MED26: variants seen among roughly 807,000 people sequenced by gnomAD.
The protein encoded by MED26 is mediator complex subunit 26.
In MED26, 7 loss-of-function variants were observed where a neutral mutation model predicts 43.7. That is an observed-to-expected ratio of 0.16 (90% CI 0.09 to 0.30). MED26 has a LOEUF of 0.30. Ranked by LOEUF, MED26 falls within the 10% of genes least tolerant of loss-of-function variation. The pLI is 1.00. For synonymous variants in MED26, 375 were observed against 371.1 expected (o/e 1.01, Z -0.12); for missense variants, 784 against 840.6 (o/e 0.93, Z 0.83).
chr19:16,595,827 A>G (rs1181277690), intron 1 of MED26, among the ~76,000 whole-genome samples: 4 of 152,070 alleles, frequency 2.6e-5, no homozygotes, highest in Non-Finnish European at 4.4e-5. Context: ...AATTCCCTTA[A>G]CCTTCTCCGA....
At position 16,576,488 on chromosome 19, in the gene MED26, G is replaced by C; in HGVS notation, c.1342C>G (p.Pro448Ala). 6.2e-7 allele frequency: 1 copy of C among 1,614,146 alleles called. No individual in the cohort carries two copies. Among genetic ancestry groups the C allele is most frequent in the Admixed American group, 1.7e-5 (1 of 60,028 alleles). ...TQKEPVRADS[P>A]VHMEQQSRTE... ...CTGGACTGCTGCTCCATGTGCACAG[G>C]GCTGTCTGCCCGCACTGGCTCTTTC... is the stretch of plus-strand genomic sequence containing the variant. Residue 448 changes from proline to alanine, a missense_variant, in exon 3 of 3, where the codon CCT (proline) becomes GCT (alanine). Transcript: ENST00000263390. This position sits in a 1 kb window ranked among gnomAD's most constrained non-coding sequence, Gnocchi z 6.8.
intron 1 of MED26, among the ~76,000 whole-genome samples, chr19:16,613,859 G>T (rs1409120670): frequency 6.6e-6 from 1 of 152,130 alleles, no homozygotes; most frequent in African/African-American, 2.4e-5. Context: ...TGTGAAGTGG[G>T]ACTGGTAACT....
At chr19:16,614,469 C>A (rs1416972562) in intron 1 of MED26, among the ~76,000 whole-genome samples, 1 of 151,368 alleles carries the variant, frequency 6.6e-6, no homozygotes. Flanking sequence ...GTAGAGGTTG[C>A]AGTGAGCCGA....
chr19:16,627,291 C>T (rs1254822680), intron 1 of MED26, among the ~76,000 whole-genome samples: 10 of 152,296 alleles, frequency 6.6e-5, no homozygotes, highest in Non-Finnish European at 1.3e-4. Flanking sequence ...TGTCTAGTCA[C>T]AGAAGGGAGA....
intron 1 of MED26, among the ~76,000 whole-genome samples, chr19:16,627,065 C>A (rs1311689139): frequency 6.6e-6 from 1 of 152,152 alleles, no homozygotes; most frequent in Non-Finnish European, 1.5e-5. Context: ...AACCACCAGG[C>A]TGAGACCCCC....
At chr19:16,614,477 C>T (rs2086213873) in intron 1 of MED26, among the ~76,000 whole-genome samples, 2 of 150,956 alleles carry the variant, frequency 1.3e-5, no homozygotes, top group Non-Finnish European at 2.9e-5. Flanking sequence ...TGCAGTGAGC[C>T]GATTGTGCCA....
intron 1 of MED26, among the ~76,000 whole-genome samples, chr19:16,609,826 T>A (rs56892528): frequency 0.013 from 2,028 of 151,842 alleles, 49 homozygotes; most frequent in African/African-American, 0.047. Flanking sequence ...TTTTATCACC[T>A]TCTTGTGCAA....
intron 1 of MED26, chr19:16,624,236 A>G (rs1039538304): frequency 5.9e-5 from 9 of 152,222 alleles, no homozygotes; most frequent in African/African-American, 2.2e-4. Flanking sequence ...CACCCTGTGG[A>G]CAAGAAATCT....
At position 16,577,314 on chromosome 19, in the gene MED26, G is replaced by C; in HGVS notation, c.516C>G (p.Pro172=). The C allele has an allele frequency of 1.2e-6, 2 of 1,612,000 alleles. No individual in the cohort carries two copies. Among genetic ancestry groups the C allele is most frequent in the African/African-American group, 2.7e-5 (2 of 75,020 alleles). ...GGAGGGGGGATGAGTTGGGGACCAG[G>C]GGGTCGTGGCTAGCTTTGGAGACCT... is the stretch of plus-strand genomic sequence containing the variant. The part of the protein sequence containing the change: ...PPKVSKASHD[P]LVPNSSPLPT... The change falls in exon 3 of 3, where the codon CCC becomes CCG. Residue 172 remains proline (P), a synonymous_variant. Transcript: ENST00000263390. The surrounding 1 kb of genome is among the most constrained non-coding windows in gnomAD (Gnocchi z 8.1).
Position 16,576,637 on chromosome 19 carries a change from C to G in MED26, c.1193G>C (p.Arg398Pro). 6.2e-7 allele frequency: 1 copy of G among 1,614,212 alleles called. No homozygotes were observed. Among genetic ancestry groups the G allele is most frequent in the Non-Finnish European group, 8.5e-7 (1 of 1,180,032 alleles). The change falls in exon 3 of 3, where the codon CGA becomes CCA. Residue 398 changes from arginine (R) to proline (P), a missense_variant. Coordinates refer to ENST00000263390, the MANE Select transcript of MED26 (RefSeq NM_004831.5). The surrounding 1 kb of genome is among the most constrained non-coding windows in gnomAD (Gnocchi z 6.8). ...CAAGTTAACCGTATAGTCTCGAGGT[C>G]GGTACCTCTTCTTCTTTTTACTGTC... is the stretch of plus-strand genomic sequence containing the variant. Reference protein sequence around the residue: ...GSDSKKKKRYRPRDYTVNLDG... With the variant: ...GSDSKKKKRYPPRDYTVNLDG...
chr19:16,606,923 G>A (rs1397048712), intron 1 of MED26, among the ~76,000 whole-genome samples: 1 of 152,232 alleles, frequency 6.6e-6, no homozygotes, highest in East Asian at 1.9e-4. Flanking sequence ...GGCTCTCCCT[G>A]TGTTGGTCAG....
intron 1 of MED26, among the ~76,000 whole-genome samples, 178 bp downstream of exon 1, chr19:16,627,694 G>A (rs994460449): frequency 7.2e-5 from 11 of 152,238 alleles, no homozygotes; most frequent in Middle Eastern, 3.2e-3. Context: ...GCGCTGCCGG[G>A]CTGCCCGACC....
At position 16,576,541 on chromosome 19, in the gene MED26, A is replaced by G. The variant is rs1202662730; in HGVS notation, c.1289T>C (p.Met430Thr). 1 of 1,613,968 alleles carries G rather than the reference A, an allele frequency of 6.2e-7. No homozygotes were observed. The highest frequency in any genetic ancestry group is 1.3e-5 in the African/African-American group (1 of 74,876). Residue 430 changes from methionine to threonine, a missense_variant, in exon 3 of 3, where the codon ATG (methionine) becomes ACG (threonine). This residue lies in a region of MED26 where 719 missense variants were observed against 730.9 expected (regional missense o/e 0.98). Coordinates refer to ENST00000263390, the MANE Select transcript of MED26 (RefSeq NM_004831.5). The surrounding 1 kb of genome is among the most constrained non-coding windows in gnomAD (Gnocchi z 6.8). ...GGTCAGAGGTTTGATCTGTCTCGTC[A>G]TGGGGTCAAAGGTGAGCTTCCGCTC... ...LKERKLTFDP[M>T]TRQIKPLTQK... is the part of the protein sequence containing the mutation.
chr19:16,610,188 A>G (rs75539581), intron 1 of MED26, among the ~76,000 whole-genome samples: 2,228 of 152,118 alleles, frequency 0.015, 49 homozygotes, highest in African/African-American at 0.05. Context: ...TGAGCCCAGT[A>G]GCTCAAGGCT....
intron 1 of MED26, among the ~76,000 whole-genome samples, chr19:16,603,487 CTTCTT>C (rs2086159066): frequency 6.6e-6 from 1 of 152,084 alleles, no homozygotes; most frequent in Non-Finnish European, 1.5e-5. Flanking sequence ...AAATTCTTCC[CTTCTT>C]TTCTTCTTAA....
At chr19:16,613,622 A>C (rs2122444846) in intron 1 of MED26, among the ~76,000 whole-genome samples, 1 of 152,324 alleles carries the variant, frequency 6.6e-6, no homozygotes, top group East Asian at 1.9e-4. Context: ...AAAGGCTCTG[A>C]GGGCAGAAGG....
rs919941788 is a variant in MED26, at chr19:16,575,786, T to G, written c.*241A>C. 3.7e-6 allele frequency: 2 copies of G among 542,280 alleles called. No homozygotes were observed. Among genetic ancestry groups the G allele is most frequent in the South Asian group, 2.3e-5 (1 of 43,208 alleles). 33.6% of individuals were successfully genotyped at this position (542,280 alleles called of 1,614,324 possible). A position where few individuals can be genotyped will look rare whatever the true frequency, so the allele number is the denominator to read the frequency against. On this transcript the variant is annotated 3_prime_UTR_variant, in exon 3 of 3. Coordinates refer to ENST00000263390, the MANE Select transcript of MED26 (RefSeq NM_004831.5). Reference sequence around the variant, plus strand: ...GAGTTCTGAACTCACTTTGCCGTCCTTCCTTCCACGCGGTCCTTCTTCGCA... The same window carrying G: ...GAGTTCTGAACTCACTTTGCCGTCCGTCCTTCCACGCGGTCCTTCTTCGCA...
intron 1 of MED26, 68 bp downstream of exon 1, chr19:16,627,804 G>C: frequency 8.5e-7 from 1 of 1,170,242 alleles, no homozygotes; most frequent in South Asian, 1.9e-5. Context: ...GTGGGCGAGG[G>C]GTACAGGAGA....
chr19:16,612,688 C>T (rs1349874935), intron 1 of MED26, among the ~76,000 whole-genome samples: 1 of 152,192 alleles, frequency 6.6e-6, no homozygotes, highest in African/African-American at 2.4e-5. Context: ...ATCATCCCCA[C>T]CTGCAACTGC....
Sources: gnomAD v4.1 joint callset for allele counts (sites outside exome capture counted in the v4.1 genomes callset) on GRCh38, gnomAD v4.1.1 for gene constraint, gnomAD v4.1.1 regional missense constraint, Gnocchi (gnomAD v3.1) non-coding constraint, MANE v1.5 for transcripts, NCBI Gene and HGNC (gene_info 2026-07-23, HGNC 2026-07-21) for gene names.